DLGAP1: variants seen among roughly 807,000 people sequenced by gnomAD.
DLGAP1 encodes DLG associated protein 1, also known as disks large-associated protein 1.
A neutral mutation model predicts 90.8 loss-of-function variants in DLGAP1; 11 were observed. That is an observed-to-expected ratio of 0.12 (90% CI 0.08 to 0.20). The LOEUF (loss-of-function observed/expected upper bound fraction) is 0.20. Among genes scored for constraint, DLGAP1 ranks in the 10% least tolerant of loss-of-function variants. The probability of loss-of-function intolerance (pLI) is 1.00; values close to 1 mark genes in which losing one functional copy is unlikely to be tolerated. For missense variants in DLGAP1, 1,050 were observed against 1,333.8 expected, an observed-to-expected ratio of 0.79 and a Z score of 3.31; for synonymous variants, 558 against 540.7, an observed-to-expected ratio of 1.03 and a Z score of -0.44.
intron 1 of DLGAP1, among the ~76,000 whole-genome samples, chr18:4,394,691 T>G (rs544154194): frequency 8.1e-4 from 123 of 152,354 alleles, no homozygotes; most frequent in Non-Finnish European, 1.6e-3. Context: ...TATGCCAGTG[T>G]ATCAGATAAT....
At chr18:3,512,579 T>C (rs550743172) in intron 10 of DLGAP1, among the ~76,000 whole-genome samples, 54 of 152,376 alleles carry the variant, frequency 3.5e-4, no homozygotes, top group African/African-American at 1.3e-3. Flanking sequence ...GGGAGGCCTT[T>C]GTGAACATGT....
At chr18:4,359,539 GA>G (rs1271611601) in intron 1 of DLGAP1, among the ~76,000 whole-genome samples, 1 of 152,104 alleles carries the variant, frequency 6.6e-6, no homozygotes, top group African/African-American at 2.4e-5. Context: ...ATTCATTTCT[GA>G]AGGCTCCCGT....
At chr18:4,359,325 G>C (rs2081585792) in intron 1 of DLGAP1, among the ~76,000 whole-genome samples, 1 of 152,130 alleles carries the variant, frequency 6.6e-6, no homozygotes, top group South Asian at 2.1e-4. Flanking sequence ...TAGATCATAA[G>C]ACCCTCATGT....
intron 7 of DLGAP1, among the ~76,000 whole-genome samples, chr18:3,646,967 C>A (rs2059144258): frequency 6.6e-6 from 1 of 151,028 alleles, no homozygotes; most frequent in African/African-American, 2.4e-5. Context: ...ATTGTAACAT[C>A]ACCGGGTGCG....
At chr18:4,002,683 G>A (rs1008489118) in intron 3 of DLGAP1, among the ~76,000 whole-genome samples, 8 of 152,126 alleles carry the variant, frequency 5.3e-5, no homozygotes, top group African/African-American at 1.2e-4. Context: ...TAGTAGTTTC[G>A]TTTCTGGAGA....
At chr18:4,399,145 T>G (rs925153587) in intron 1 of DLGAP1, among the ~76,000 whole-genome samples, 1 of 152,236 alleles carries the variant, frequency 6.6e-6, no homozygotes, top group Non-Finnish European at 1.5e-5. Flanking sequence ...GGACCCATTT[T>G]AAAAATCATT....
Position 3,879,251 on chromosome 18 carries a change from A to G in DLGAP1, c.818T>C (p.Leu273Pro). The change falls in exon 4 of 13, where the codon CTG becomes CCG. Residue 273 changes from leucine to proline, a missense_variant. By Grantham distance (98) the Leu-to-Pro change is moderately conservative (BLOSUM62 -3). Around this residue, in one of 2 missense-constraint regions of DLGAP1, gnomAD observed 485 missense variants for 454.1 expected, o/e 1.07. Transcript: ENST00000315677. This position sits in a 1 kb window ranked among gnomAD's most constrained non-coding sequence, Gnocchi z 6.6. Reference sequence around the variant, plus strand: ...GGAGGACCAGGCGCTCTTCTTCAGCAGCGGGGTGTCCAGGCTGACCGGCAG... The same window carrying G: ...GGAGGACCAGGCGCTCTTCTTCAGCGGCGGGGTGTCCAGGCTGACCGGCAG... Reference protein sequence around the residue: ...ANLPVSLDTPLLKKSAWSSTL... With the variant: ...ANLPVSLDTPPLKKSAWSSTL... 6.3e-7 allele frequency: 1 copy of G among 1,598,178 alleles called. No individual in the cohort carries two copies. The highest frequency in any genetic ancestry group is 8.5e-7 in the Non-Finnish European group (1 of 1,171,966).
intron 1 of DLGAP1, among the ~76,000 whole-genome samples, chr18:4,209,595 T>C (rs1521429): frequency 7.3e-4 from 111 of 152,348 alleles, no homozygotes; most frequent in African/African-American, 1.7e-3. Context: ...TTTAAATATA[T>C]TTAATTTGTT....
chr18:3,579,896 C>T (rs924823526), intron 8 of DLGAP1, among the ~76,000 whole-genome samples: 1 of 152,186 alleles, frequency 6.6e-6, no homozygotes, highest in Admixed American at 6.5e-5. Context: ...GTCTTGCTCG[C>T]CTTCACTCCC....
chr18:3,805,661 A>T (rs1340343754), intron 5 of DLGAP1, among the ~76,000 whole-genome samples: 1 of 152,236 alleles, frequency 6.6e-6, no homozygotes, highest in Non-Finnish European at 1.5e-5. Flanking sequence ...GCTTGAAAAT[A>T]CAGGATCAAT....
chr18:3,741,058 T>C (rs868062722), intron 6 of DLGAP1, among the ~76,000 whole-genome samples: 362 of 25,664 alleles, frequency 0.014, 1 homozygote, highest in African/African-American at 0.031. Flanking sequence ...ACCACCACCA[T>C]CACCACCACC....
At chr18:4,120,666 A>G (rs1295500671) in intron 2 of DLGAP1, among the ~76,000 whole-genome samples, 1 of 148,378 alleles carries the variant, frequency 6.7e-6, no homozygotes, top group East Asian at 1.9e-4. Context: ...AATTAAAAGT[A>G]CTCAGTCATG....
At chr18:3,978,060 G>T in intron 3 of DLGAP1, 1 of 379,236 alleles carries the variant, frequency 2.6e-6, no homozygotes, top group Non-Finnish European at 5.2e-6. Context: ...TTTCTTGGAG[G>T]GGCCATCCAC....
At chr18:4,427,137 G>A (rs1454363987) in intron 1 of DLGAP1, among the ~76,000 whole-genome samples, 1 of 152,178 alleles carries the variant, frequency 6.6e-6, no homozygotes, top group African/African-American at 2.4e-5. Flanking sequence ...AGAACAAGGT[G>A]AGCCACAGAC....
At chr18:4,438,931 C>T (rs1386681600) in intron 1 of DLGAP1, among the ~76,000 whole-genome samples, 3 of 152,078 alleles carry the variant, frequency 2.0e-5, no homozygotes, top group Non-Finnish European at 4.4e-5. Context: ...AAACTGAGAC[C>T]CTGAGGGAGG....
intron 1 of DLGAP1, chr18:4,295,553 G>C (rs921517639): frequency 6.6e-6 from 1 of 152,128 alleles, no homozygotes; most frequent in Admixed American, 6.6e-5. Context: ...TCATGGGTGG[G>C]AACAAAGCAG....
chr18:4,415,954 C>T (rs1429750572), intron 1 of DLGAP1, among the ~76,000 whole-genome samples: 1 of 152,138 alleles, frequency 6.6e-6, no homozygotes, highest in Non-Finnish European at 1.5e-5. Context: ...CTCTTTCTCT[C>T]TCTCCCTCTC....
chr18:3,716,677 G>C (rs1394250679), intron 7 of DLGAP1, among the ~76,000 whole-genome samples: 1 of 151,892 alleles, frequency 6.6e-6, no homozygotes, highest in Non-Finnish European at 1.5e-5. Context: ...TTTCCTTCTA[G>C]TATTTTTTTT....
At chr18:3,772,386 T>TCCTCCCTCCCTCCCCCCCACCCCCC (rs2064701458) in intron 5 of DLGAP1, among the ~76,000 whole-genome samples, 1 of 9,604 alleles carries the variant, frequency 1.0e-4, no homozygotes, top group African/African-American at 1.5e-4. Context: ...CTTTCTTTCT[T>TCCTCCCTCCCTCCCCCCCACCCCCC]TCTTTCTTTC....
Sources: allele counts gnomAD v4.1 joint callset (sites outside exome capture counted in the v4.1 genomes callset), GRCh38; gene constraint gnomAD v4.1.1; regional missense constraint gnomAD v4.1.1; non-coding constraint Gnocchi (gnomAD v3.1); transcripts MANE v1.5; gene names NCBI Gene and HGNC (gene_info 2026-07-23, HGNC 2026-07-21).